ABCA4: variants seen among roughly 807,000 people sequenced by gnomAD.
ABCA4 encodes the protein retinal-specific phospholipid-transporting ATPase ABCA4.
A neutral mutation model predicts 263.7 loss-of-function variants in ABCA4; 196 were observed. That is an observed-to-expected ratio of 0.74 (90% CI 0.66 to 0.84). The LOEUF is 0.84. ABCA4 is among the 40% of genes least tolerant of loss of function. The pLI, the probability that ABCA4 is intolerant of heterozygous loss-of-function variation, is 0.00. For synonymous variants in ABCA4, 1,133 were observed against 1,094.2 expected, an observed-to-expected ratio of 1.04 and a Z score of -0.70; for missense variants, 2,792 against 2,855.1, an observed-to-expected ratio of 0.98 and a Z score of 0.50.
intron 2 of ABCA4, among the ~76,000 whole-genome samples, chr1:94,111,952 C>T (rs1662618155): frequency 6.6e-6 from 1 of 152,226 alleles, no homozygotes; most frequent in Non-Finnish European, 1.5e-5. Context: ...TTCCTTCAAC[C>T]ACGGTGAACT....
At chr1:94,099,237 G>A (rs1428656206) in intron 5 of ABCA4, among the ~76,000 whole-genome samples, 1 of 152,210 alleles carries the variant, frequency 6.6e-6, no homozygotes, top group African/African-American at 2.4e-5. Flanking sequence ...ACAGAGTCAT[G>A]TGATGTGAGA....
intron 16 of ABCA4, among the ~76,000 whole-genome samples, chr1:94,054,841 G>A (rs1489292627): frequency 6.6e-6 from 1 of 152,208 alleles, no homozygotes; most frequent in Non-Finnish European, 1.5e-5. Context: ...AATACAGTGT[G>A]CAGAATGGAC....
At chr1:94,000,390 G>T (rs918913283) in intron 47 of ABCA4, among the ~76,000 whole-genome samples, 1 of 152,186 alleles carries the variant, frequency 6.6e-6, no homozygotes, top group Non-Finnish European at 1.5e-5. Flanking sequence ...ATAACATATG[G>T]TCTTTTTTCA....
At chr1:94,115,723 C>T (rs1345400560) in intron 1 of ABCA4, among the ~76,000 whole-genome samples, 2 of 152,156 alleles carry the variant, frequency 1.3e-5, no homozygotes, top group African/African-American at 4.8e-5. Flanking sequence ...AAACATGAGC[C>T]ATTTGTTATT....
intron 14 of ABCA4, among the ~76,000 whole-genome samples, chr1:94,057,946 C>A (rs191705472): frequency 9.0e-4 from 137 of 152,304 alleles, no homozygotes; most frequent in Non-Finnish European, 1.6e-3. Context: ...TAAATGAGTT[C>A]TGATCAGTTG....
Position 94,108,660 on chromosome 1 carries a change from T to A in ABCA4, c.359A>T (p.Gln120Leu). The A allele has an allele frequency of 1.2e-6, 2 of 1,614,078 alleles. No homozygotes were observed. The highest frequency in any genetic ancestry group is 1.7e-6 in the Non-Finnish European group (2 of 1,180,030). The part of the protein sequence containing the change: ...QELLMNAPES[Q>L]HLGRIWTELH... ...CTCTGTCCAAATACGGCCAAGGTGC[T>A]GGCTCTCTGGTGCATTCATGAGGAG... Residue 120 changes from glutamine (Q) to leucine (L), a missense_variant, in exon 4 of 50, where the codon CAG becomes CTG. Coordinates refer to ENST00000370225, the MANE Select transcript of ABCA4 (RefSeq NM_000350.3).
At chr1:94,051,556 C>T in intron 17 of ABCA4, 77 bp downstream of exon 17, 2 of 1,316,646 alleles carry the variant, frequency 1.5e-6, no homozygotes, top group South Asian at 2.4e-5. Flanking sequence ...AGGGCCACCT[C>T]TGTGATCCAT....
At position 94,008,281 on chromosome 1, in the gene ABCA4, G is replaced by C; in HGVS notation, c.5852C>G (p.Ser1951Cys). ...HELTKIYPGTSSPAVDRLCVG... is the reference protein window; with the variant it reads ...HELTKIYPGTCSPAVDRLCVG... ...ACACAGCCTGTCCACTGCTGGGCTG[G>C]AGGTGCCTGGATAAATCTGCAAGAT... The change falls in exon 42 of 50, where the codon TCC (serine) becomes TGC (cysteine). Residue 1951 changes from serine (S) to cysteine (C), a missense_variant. Ser to Cys is a moderately radical substitution (Grantham distance 112). Transcript: ENST00000370225. The C allele has an allele frequency of 6.2e-7, 1 of 1,614,176 alleles. No individual in the cohort carries two copies. Among genetic ancestry groups the C allele is most frequent in the Non-Finnish European group, 8.5e-7 (1 of 1,180,034 alleles).
At chr1:94,036,885 G>A in intron 25 of ABCA4, 97 bp from the exon 26 acceptor site, 1 of 1,244,198 alleles carries the variant, frequency 8.0e-7, no homozygotes, top group Non-Finnish European at 1.2e-6. Context: ...GCTTCATAAT[G>A]GGAAGAAAAT....
At chr1:94,082,351 C>A (rs531502362) in intron 7 of ABCA4, among the ~76,000 whole-genome samples, 43 of 152,306 alleles carry the variant, frequency 2.8e-4, no homozygotes, top group Non-Finnish European at 4.6e-4. Flanking sequence ...AGTCAAGAAG[C>A]CTTCTGGAAC....
chr1:94,046,601 A>G (rs1306775559), intron 19 of ABCA4, among the ~76,000 whole-genome samples: 2 of 152,128 alleles, frequency 1.3e-5, no homozygotes, highest in Non-Finnish European at 2.9e-5. Flanking sequence ...GTGAGAAACA[A>G]GAGGCAACTG....
At chr1:94,065,525 C>A (rs72725178) in intron 11 of ABCA4, among the ~76,000 whole-genome samples, 1 of 152,186 alleles carries the variant, frequency 6.6e-6, no homozygotes. Flanking sequence ...GAGTATGCAC[C>A]GGAAGCCTCT....
At chr1:94,004,440 T>G (rs1659312575) in intron 44 of ABCA4, among the ~76,000 whole-genome samples, 1 of 152,294 alleles carries the variant, frequency 6.6e-6, no homozygotes, top group Non-Finnish European at 1.5e-5. Flanking sequence ...TATACCACTA[T>G]AAAAAACAAA....
chr1:94,119,304 A>C (rs915320387), intron 1 of ABCA4, among the ~76,000 whole-genome samples: 2 of 152,180 alleles, frequency 1.3e-5, no homozygotes, highest in African/African-American at 4.8e-5. Flanking sequence ...GGCTTGACAG[A>C]GGAAAGTGAC....
chr1:94,088,221 G>A (rs1405531349), intron 6 of ABCA4, among the ~76,000 whole-genome samples: 1 of 152,108 alleles, frequency 6.6e-6, no homozygotes, highest in Non-Finnish European at 1.5e-5. Context: ...TCAACATTTT[G>A]ATCATGTCCT....
At chr1:94,023,672 T>C (rs1179577845) in intron 31 of ABCA4, among the ~76,000 whole-genome samples, 3 of 152,332 alleles carry the variant, frequency 2.0e-5, no homozygotes, top group Non-Finnish European at 4.4e-5. Context: ...TGAGTGGTCC[T>C]GTTGTCAGGT....
In ABCA4 at chr1:94,070,274, C is replaced by T. The variant is rs1465391697; in HGVS notation, c.1555-6957G>A. Among the ~76,000 whole-genome samples, 3 of 152,172 alleles carry T rather than the reference C, an allele frequency of 2.0e-5. No homozygotes were observed. The East Asian group carries it at 5.8e-4, about 29-fold the overall frequency. The stretch of plus-strand genomic sequence containing the variant: ...GGCAGTAAAACAGCAAAGTTGCCTC[C>T]AATCACAGAGCCTATTGGTGCAAGA... On this transcript the variant is annotated intron_variant, in intron 11 of 49. Coordinates refer to ENST00000370225, the MANE Select transcript of ABCA4 (RefSeq NM_000350.3).
At chr1:94,094,277 C>T (rs1382970959) in intron 6 of ABCA4, among the ~76,000 whole-genome samples, 1 of 152,164 alleles carries the variant, frequency 6.6e-6, no homozygotes. Context: ...TCCACCCACG[C>T]TTCTCCCCAG....
Position 94,056,628 on chromosome 1 carries a change from G to A in ABCA4, c.2355C>T (p.Arg785=). The change falls in exon 15 of 50, where the codon CGC becomes CGT. Residue 785 remains arginine (R), a synonymous_variant. Coordinates refer to ENST00000370225, the MANE Select transcript of ABCA4 (RefSeq NM_000350.3). Reference sequence around the variant, plus strand: ...CAGCCTTCTTCAGCTCAGCGGTCATGCGGTCCTGCCAGGCGAAGCACAGGA... The same window carrying A: ...CAGCCTTCTTCAGCTCAGCGGTCATACGGTCCTGCCAGGCGAAGCACAGGA... ...PHILCFAWQD[R]MTAELKKAVS... The A allele has an allele frequency of 6.2e-7, 1 of 1,613,526 alleles. No individual in the cohort carries two copies. Among genetic ancestry groups the A allele is most frequent in the African/African-American group, 1.3e-5 (1 of 75,042 alleles).
Sources: gnomAD v4.1 joint callset for allele counts (sites outside exome capture counted in the v4.1 genomes callset) on GRCh38, gnomAD v4.1.1 for gene constraint, MANE v1.5 for transcripts, NCBI Gene and HGNC (gene_info 2026-07-23, HGNC 2026-07-21) for gene names.